The following FAM90A1 variants were observed in gnomAD, a reference collection of about 807,000 sequenced individuals.
FAM90A1 encodes protein FAM90A1.
Under a neutral mutation model 14.8 loss-of-function variants are expected in FAM90A1, and 10 were observed. The observed-to-expected ratio is 0.67, with a 90% CI of 0.42 to 1.14. FAM90A1 has a LOEUF of 1.14. Among genes scored for constraint, FAM90A1 ranks in the 50% most tolerant of loss-of-function variants. The pLI is 0.00. For synonymous variants in FAM90A1, 236 were observed against 248.4 expected (o/e 0.95, Z 0.47); for missense variants, 567 against 602.8 (o/e 0.94, Z 0.62).
At position 8,227,488 on chromosome 12, in the gene FAM90A1, G is replaced by A; in HGVS notation, c.-429C>T. The A allele has an allele frequency of 1.4e-6, 1 of 698,218 alleles. No individual in the cohort carries two copies. The highest frequency in any genetic ancestry group is 2.3e-6 in the Non-Finnish European group (1 of 439,254). The allele number at this position is 698,218 out of a possible 1,614,324, so 43.3% of individuals were successfully genotyped here. On this transcript the variant is annotated 5_prime_UTR_variant, in exon 1 of 7. Transcript: ENST00000538603. ...GCCAGGCCAGTGCTTACCCCGCCAT[G>A]TTTTCAAGCCCGAGGCCAGCTGGCT...
chr12:8,222,844 C>A (rs1454218664), intron 6 of FAM90A1, 60 bp from the exon 7 acceptor site: 33 of 1,529,642 alleles, frequency 2.2e-5, no homozygotes, highest in Non-Finnish European at 2.6e-5. Flanking sequence ...ACATGAAAAT[C>A]AACCACATCC....
At chr12:8,225,358 A>G (rs958303190) in intron 3 of FAM90A1, among the ~76,000 whole-genome samples, 1 of 152,208 alleles carries the variant, frequency 6.6e-6, no homozygotes, top group Admixed American at 6.5e-5. Context: ...TCATTAGGCA[A>G]CTTCCAAACA....
In FAM90A1 at chr12:8,221,989, T is replaced by C. The variant is rs11044098; in HGVS notation, c.1228A>G (p.Thr410Ala). 3.4e-4 allele frequency: 537 copies of C among 1,597,008 alleles called. 3 individuals carry two copies. The highest frequency in any genetic ancestry group is 1.5e-3 in the East Asian group (67 of 44,846). Reference sequence around the variant, plus strand: ...TCAGGAGAGTGAAATGAGGGGGCCGTCAGCAGGCTGGAGCTCCAGCGTCCG... The same window carrying C: ...TCAGGAGAGTGAAATGAGGGGGCCGCCAGCAGGCTGGAGCTCCAGCGTCCG... ...ENGRWSSSLL[T>A]APSFHSPEKP... The change falls in exon 7 of 7, where the codon ACG becomes GCG. Residue 410 changes from threonine (T) to alanine (A), a missense_variant. By Grantham distance (58) the Thr-to-Ala change is moderately conservative. Transcript: ENST00000538603.
At chr12:8,224,466 C>T (rs1374837262) in intron 4 of FAM90A1, among the ~76,000 whole-genome samples, 3 of 152,204 alleles carry the variant, frequency 2.0e-5, no homozygotes, top group Non-Finnish European at 4.4e-5. Flanking sequence ...ATGTCAACAA[C>T]ACAGCCAAAC....
Position 8,227,380 on chromosome 12 carries a change from G to T in FAM90A1, c.-421+100C>A, listed in dbSNP as rs1591641203. ...GGAACCTGCGCCATGTGATCTGGGG[G>T]CTGTGTCAGGGCAGCGGGAGTCCTC... On this transcript the variant is annotated intron_variant, in intron 1 of 6. Transcript: ENST00000538603. 1.1e-5 allele frequency: 4 copies of T among 352,354 alleles called. 1 individual carries two copies. The East Asian group carries it at 1.9e-4, about 17-fold the overall frequency. 21.8% of individuals were successfully genotyped at this position (352,354 alleles called of 1,614,324 possible).
chr12:8,225,661 A>C (rs1458756777), intron 3 of FAM90A1, among the ~76,000 whole-genome samples, 175 bp downstream of exon 3: 6 of 152,056 alleles, frequency 3.9e-5, no homozygotes, highest in African/African-American at 1.5e-4. Flanking sequence ...CTTATCCCAC[A>C]CATGGAGACG....
rs151229418 is a variant in FAM90A1, at chr12:8,221,540, G to C, written c.*282C>G. On this transcript the variant is annotated 3_prime_UTR_variant, in exon 7 of 7. Coordinates refer to ENST00000538603, the MANE Select transcript of FAM90A1 (RefSeq NM_018088.3). The stretch of plus-strand genomic sequence containing the variant: ...CCCAGCGGAAGTCTGACTCCTGCGC[G>C]TCATGCAGTTTCTGAGGCAACGAAT... 2.1e-5 allele frequency: 11 copies of C among 519,626 alleles called. No homozygotes were observed. Among genetic ancestry groups the C allele is most frequent in the African/African-American group, 3.9e-5 (2 of 51,236 alleles). 32.2% of individuals were successfully genotyped at this position (519,626 alleles called of 1,614,324 possible). A position where few individuals can be genotyped will look rare whatever the true frequency, so the allele number is the denominator to read the frequency against.
intron 2 of FAM90A1, 45 bp downstream of exon 2, chr12:8,226,227 T>C (rs1565431733): frequency 6.6e-6 from 1 of 152,054 alleles, no homozygotes; most frequent in Non-Finnish European, 1.5e-5. Flanking sequence ...ATCTTTTTTG[T>C]TTTTGTGTTT....
At position 8,224,268 on chromosome 12, in the gene FAM90A1, G is replaced by A. The variant is rs1049085803; in HGVS notation, c.124-53C>T. On this transcript the variant is annotated intron_variant, in intron 4 of 6. Transcript: ENST00000538603. ...TGAGTGAGCTGAAGCCACAGGCACCGATCCCACGTCAACATTGAGACGGAT... is the reference window on the plus strand; with the variant it reads ...TGAGTGAGCTGAAGCCACAGGCACCAATCCCACGTCAACATTGAGACGGAT... 4.5e-5 allele frequency: 64 copies of A among 1,407,990 alleles called. No individual in the cohort carries two copies. The African/African-American group carries it at 6.3e-4, about 14-fold the overall frequency. The allele number at this position is 1,407,990 out of a possible 1,614,324, so 87.2% of individuals were successfully genotyped here.
rs1195638174 is a variant in FAM90A1, at chr12:8,222,560, G to T, written c.657C>A (p.Gly219=). 1.2e-6 allele frequency: 2 copies of T among 1,611,924 alleles called. No homozygotes were observed. The highest frequency in any genetic ancestry group is 2.7e-5 in the African/African-American group (2 of 74,866). Residue 219 remains glycine, a synonymous_variant, in exon 7 of 7, where the codon GGC becomes GGA. Coordinates refer to ENST00000538603, the MANE Select transcript of FAM90A1 (RefSeq NM_018088.3). ...GCTTCACCACGAGGAGAGGCTCGGGGCCCTGGTGCCTGACTGCAGTCTGAG... is the reference window on the plus strand; with the variant it reads ...GCTTCACCACGAGGAGAGGCTCGGGTCCCTGGTGCCTGACTGCAGTCTGAG... ...DIPQTAVRHQ[G]PEPLLVVKPT... is the part of the protein sequence containing the mutation.
In FAM90A1 at chr12:8,222,179, G is replaced by T. The variant is rs1478401109; in HGVS notation, c.1038C>A (p.Pro346=). 4 of 1,563,432 alleles carry T rather than the reference G, an allele frequency of 2.6e-6. No individual in the cohort carries two copies. Among genetic ancestry groups the T allele is most frequent in the Non-Finnish European group, 1.7e-6 (2 of 1,145,736 alleles). The change falls in exon 7 of 7, where the codon CCC becomes CCA. Residue 346 remains proline (P), a synonymous_variant. Coordinates refer to ENST00000538603, the MANE Select transcript of FAM90A1 (RefSeq NM_018088.3). ...GGGCGGGTGTCCTCGTGCCTGTCTGGGGTGACGTACGTGGTCCAAGTTCGG... is the reference window on the plus strand; with the variant it reads ...GGGCGGGTGTCCTCGTGCCTGTCTGTGGTGACGTACGTGGTCCAAGTTCGG... ...AATELGPRTS[P]QTGTRTPAQV... is the part of the protein sequence containing the mutation.
chr12:8,224,322 A>G, intron 4 of FAM90A1, 107 bp from the exon 5 acceptor site: 2 of 1,012,678 alleles, frequency 2.0e-6, no homozygotes. Context: ...TAAGGATTCC[A>G]AAGAGGGGAC....
Position 8,221,533 on chromosome 12 carries a change from C to A in FAM90A1, c.*289G>T. 2.0e-6 allele frequency: 1 copy of A among 509,454 alleles called. No homozygotes were observed. 31.6% of individuals were successfully genotyped at this position (509,454 alleles called of 1,614,324 possible). On this transcript the variant is annotated 3_prime_UTR_variant, in exon 7 of 7. Transcript: ENST00000538603. ...TTGACGTCCCAGCGGAAGTCTGACT[C>A]CTGCGCGTCATGCAGTTTCTGAGGC...
rs1948931737 is a variant in FAM90A1, at chr12:8,225,838, G to GAA, written c.-61_-60dup. Reference sequence around the variant, plus strand: ...AACAACTGTTCAGTGAAACTAACCTGAAATTACACGTCTACTTTCTTTCCC... The same window carrying GAA: ...AACAACTGTTCAGTGAAACTAACCTGAAAAATTACACGTCTACTTTCTTTCCC... On this transcript the variant is annotated 5_prime_UTR_variant, in exon 3 of 7. It removes the in-frame stop codon of an upstream open reading frame in the 5' UTR. Coordinates refer to ENST00000538603, the MANE Select transcript of FAM90A1 (RefSeq NM_018088.3). 1 of 152,094 alleles carries GAA rather than the reference G, an allele frequency of 6.6e-6. No homozygotes were observed. The highest frequency in any genetic ancestry group is 6.5e-5 in the Admixed American group (1 of 15,276). 9.4% of individuals were successfully genotyped at this position (152,094 alleles called of 1,614,324 possible). A position where few individuals can be genotyped will look rare whatever the true frequency, so the allele number is the denominator to read the frequency against.
At chr12:8,226,736 C>G (rs1157874200) in intron 1 of FAM90A1, among the ~76,000 whole-genome samples, 2 of 147,628 alleles carry the variant, frequency 1.4e-5, no homozygotes, top group Non-Finnish European at 2.9e-5. Flanking sequence ...TCTGTACATA[C>G]CAAGCTTTCT....
At position 8,221,831 on chromosome 12, in the gene FAM90A1, G is replaced by A; in HGVS notation, c.1386C>T (p.Asp462=). Residue 462 remains aspartate, a synonymous_variant, in exon 7 of 7, where the codon GAC becomes GAT. Transcript: ENST00000538603. ...VPSSSEDSDS[D]LE is the part of the protein sequence containing the mutation. ...CCTGCCACCTGCAGTCTCACTCCAG[G>A]TCAGAATCGCTGTCCTCTGAGGAGG... 6.3e-7 allele frequency: 1 copy of A among 1,596,140 alleles called. No homozygotes were observed. Among genetic ancestry groups the A allele is most frequent in the Middle Eastern group, 2.3e-4 (1 of 4,428 alleles).
At chr12:8,227,207 G>T (rs1565432333) in intron 1 of FAM90A1, among the ~76,000 whole-genome samples, 2 of 152,244 alleles carry the variant, frequency 1.3e-5, no homozygotes, top group Non-Finnish European at 2.9e-5. Context: ...CAGTGAGGAG[G>T]GGGAAAAGCA....
intron 4 of FAM90A1, 80 bp from the exon 5 acceptor site, chr12:8,224,295 G>A (rs866734155): frequency 2.9e-5 from 36 of 1,227,778 alleles, no homozygotes; most frequent in Middle Eastern, 5.4e-4. Flanking sequence ...GAGACGGATT[G>A]TGAATTCAGA....
In FAM90A1 at chr12:8,227,463, G is replaced by A. The variant is rs1466412084; in HGVS notation, c.-421+17C>T. On this transcript the variant is annotated intron_variant, in intron 1 of 6. Transcript: ENST00000538603. ...GGGTCCACCCAGTGGGCGGTCGGGTGCCAGGCCAGTGCTTACCCCGCCATG... is the reference window on the plus strand; with the variant it reads ...GGGTCCACCCAGTGGGCGGTCGGGTACCAGGCCAGTGCTTACCCCGCCATG... 4 of 583,164 alleles carry A rather than the reference G, an allele frequency of 6.9e-6. No individual in the cohort carries two copies. Among genetic ancestry groups the A allele is most frequent in the Non-Finnish European group, 1.2e-5 (4 of 343,920 alleles). The allele number at this position is 583,164 out of a possible 1,614,324, so 36.1% of individuals were successfully genotyped here.
Sources: gnomAD v4.1 joint callset for allele counts (sites outside exome capture counted in the v4.1 genomes callset) on GRCh38, gnomAD v4.1.1 for gene constraint, MANE v1.5 for transcripts, NCBI Gene and HGNC (gene_info 2026-07-23, HGNC 2026-07-21) for gene names.